MLST8: variants seen among roughly 807,000 people sequenced by gnomAD.
MLST8 encodes the protein target of rapamycin complex subunit LST8.
MLST8 carries 20 observed loss-of-function variants against 41.3 expected under a neutral mutation model. That is an observed-to-expected ratio of 0.48 (90% CI 0.34 to 0.70). The LOEUF is 0.70. Ranked by LOEUF, MLST8 falls within the 30% of genes least tolerant of loss-of-function variation. The pLI is 0.01. For synonymous variants in MLST8, 243 were observed against 183.0 expected (o/e 1.33, Z -2.65); for missense variants, 422 against 454.3 (o/e 0.93, Z 0.65).
intron 1 of MLST8, 31 bp from the exon 2 acceptor site, chr16:2,206,000 T>C (rs1428591477): frequency 6.6e-7 from 1 of 1,506,974 alleles, no homozygotes; most frequent in African/African-American, 1.4e-5. Flanking sequence ...ACAGAGAGTG[T>C]CTTCTAAGTA....
chr16:2,206,990 CCAA>C, intron 4 of MLST8, 42 bp from the exon 5 acceptor site: 2 of 1,607,334 alleles, frequency 1.2e-6, no homozygotes, highest in Non-Finnish European at 1.7e-6. Flanking sequence ...GGGTAGGGCA[CCAA>C]CAAGCCCAGA....
Position 2,208,445 on chromosome 16 carries a change from A to C in MLST8, c.699-5A>C. 1 of 1,612,410 alleles carries C rather than the reference A, an allele frequency of 6.2e-7. No individual in the cohort carries two copies. The highest frequency in any genetic ancestry group is 1.7e-5 in the Admixed American group (1 of 59,874). Reference sequence around the variant, plus strand: ...TGCTGGACACGCCCCATGCCCACCCACTAGGCTCCTCGCCACCTGCTCGGC... The same window carrying C: ...TGCTGGACACGCCCCATGCCCACCCCCTAGGCTCCTCGCCACCTGCTCGGC... On this transcript the variant is annotated splice_polypyrimidine_tract_variant and splice_region_variant and intron_variant, in intron 7 of 8. Coordinates refer to ENST00000569417, the MANE Select transcript of MLST8 (RefSeq NM_022372.6).
chr16:2,207,430 C>T (rs2141369439), intron 6 of MLST8, 85 bp downstream of exon 6: 1 of 1,509,478 alleles, frequency 6.6e-7, no homozygotes, highest in Non-Finnish European at 9.0e-7. Flanking sequence ...CTGGATGTCC[C>T]TTAGCGGCCC....
chr16:2,208,610 A>G lies in MLST8; in HGVS notation c.859A>G (p.Thr287Ala). The part of the protein sequence containing the change: ...AFSGDSQYIV[T>A]ASSDNLARLW... ...CTCGGGGGACTCCCAGTACATCGTC[A>G]CTGGTGAGCCCCGCCCTGGCCTCCC... Residue 287 changes from threonine to alanine, a missense_variant, in exon 8 of 9, where the codon ACT becomes GCT. By Grantham distance (58) the Thr-to-Ala change is moderately conservative (BLOSUM62 0). Transcript: ENST00000569417. 1 of 1,612,172 alleles carries G rather than the reference A, an allele frequency of 6.2e-7. No individual in the cohort carries two copies. The highest frequency in any genetic ancestry group is 8.5e-7 in the Non-Finnish European group (1 of 1,179,488).
chr16:2,205,855 GC>G, intron 1 of MLST8, 175 bp from the exon 2 acceptor site: 2 of 1,306,344 alleles, frequency 1.5e-6, no homozygotes, highest in Non-Finnish European at 2.0e-6. Flanking sequence ...TGGAGCACGC[GC>G]CCTGGAGCCC....
chr16:2,207,289 A>G lies in MLST8; in HGVS notation c.517A>G (p.Ile173Val). 2 of 1,614,206 alleles carry G rather than the reference A, an allele frequency of 1.2e-6. No individual in the cohort carries two copies. The highest frequency in any genetic ancestry group is 2.2e-5 in the South Asian group (2 of 91,090). ...GCTGATCCCTGAGCCCGAGGTCTCC[A>G]TCACGTCCGCCCACATCGATCCCGA... is the stretch of plus-strand genomic sequence containing the variant. ...EQLIPEPEVS[I>V]TSAHIDPDAS... is the part of the protein sequence containing the mutation. The change falls in exon 6 of 9, where the codon ATC becomes GTC. Residue 173 changes from isoleucine to valine, a missense_variant. Ile to Val is a conservative substitution (Grantham distance 29). Coordinates refer to ENST00000569417, the MANE Select transcript of MLST8 (RefSeq NM_022372.6).
chr16:2,208,863 A>G lies in MLST8; in HGVS notation c.967A>G (p.Ser323Gly), dbSNP rs966386530. Residue 323 changes from serine (S) to glycine (G), a missense_variant, in exon 9 of 9, where the codon AGT becomes GGT. Transcript: ENST00000569417. ...KAVVCLAFND[S>G]VLG ...TGTTGTCTGCCTGGCCTTCAATGAC[A>G]GTGTGCTGGGCTAGCCTGTGACCCC... The G allele has an allele frequency of 6.2e-7, 1 of 1,613,440 alleles. No homozygotes were observed. Among genetic ancestry groups the G allele is most frequent in the Non-Finnish European group, 8.5e-7 (1 of 1,179,868 alleles).
rs1596710922 is a variant in MLST8 at position 2,206,127 on chromosome 16, C to T, written c.42C>T (p.Ile14=). 1.2e-6 allele frequency: 2 copies of T among 1,611,092 alleles called. No homozygotes were observed. The highest frequency in any genetic ancestry group is 2.2e-5 in the East Asian group (1 of 44,812). ...SPGTVGSDPV[I]LATAGYDHTV... is the part of the protein sequence containing the mutation. ...GCACGGTGGGCAGTGACCCGGTCAT[C>T]CTGGCCACTGCAGGCTACGACCACA... The change falls in exon 2 of 9, where the codon ATC becomes ATT. Residue 14 remains isoleucine, a synonymous_variant. Transcript: ENST00000569417.
chr16:2,209,258 G>C lies in MLST8; in HGVS notation c.*381G>C. ...TAGAGAACACCACCACCATGGCCAG[G>C]TGGAAGGGTTTATTAGTCCCTGCCA... On this transcript the variant is annotated 3_prime_UTR_variant, in exon 9 of 9. Transcript: ENST00000569417. 1 of 1,089,516 alleles carries C rather than the reference G, an allele frequency of 9.2e-7. No homozygotes were observed. The highest frequency in any genetic ancestry group is 1.3e-6 in the Non-Finnish European group (1 of 743,126). 67.5% of individuals were successfully genotyped at this position (1,089,516 alleles called of 1,614,324 possible).
At chr16:2,208,130 G>T in intron 6 of MLST8, 80 bp from the exon 7 acceptor site, 2 of 1,507,982 alleles carry the variant, frequency 1.3e-6, no homozygotes, top group Non-Finnish European at 8.9e-7. Context: ...TTGGCCCCCA[G>T]TGTTGGCCCC....
chr16:2,208,951 A>G lies in MLST8; in HGVS notation c.*74A>G. 2 of 1,528,674 alleles carry G rather than the reference A, an allele frequency of 1.3e-6. No individual in the cohort carries two copies. The highest frequency in any genetic ancestry group is 2.3e-5 in the South Asian group (2 of 88,856). 94.7% of individuals were successfully genotyped at this position (1,528,674 alleles called of 1,614,324 possible). On this transcript the variant is annotated 3_prime_UTR_variant, in exon 9 of 9. Transcript: ENST00000569417. The stretch of plus-strand genomic sequence containing the variant: ...ACCCATGCAGCACCCAGGTCAGAGC[A>G]GACCCTCCCCTGCCGGCCTGCGCCA...
chr16:2,205,719 C>T (rs1251012136), intron 1 of MLST8: 5 of 1,003,616 alleles, frequency 5.0e-6, no homozygotes, highest in East Asian at 1.0e-4. Flanking sequence ...CTTTCCCCGG[C>T]CCATCCGCCG....
In MLST8 at chr16:2,208,850, G is replaced by T; in HGVS notation, c.954G>T (p.Leu318=). 1 of 1,613,674 alleles carries T rather than the reference G, an allele frequency of 6.2e-7. No individual in the cohort carries two copies. The highest frequency in any genetic ancestry group is 2.2e-5 in the East Asian group (1 of 44,888). Residue 318 remains leucine (L), a synonymous_variant, in exon 9 of 9, where the codon CTG becomes CTT. Coordinates refer to ENST00000569417, the MANE Select transcript of MLST8 (RefSeq NM_022372.6). ...GCCACCAGAAGGCTGTTGTCTGCCTGGCCTTCAATGACAGTGTGCTGGGCT... is the reference window on the plus strand; with the variant it reads ...GCCACCAGAAGGCTGTTGTCTGCCTTGCCTTCAATGACAGTGTGCTGGGCT... ...YGGHQKAVVC[L]AFNDSVLG is the part of the protein sequence containing the mutation.
chr16:2,207,410 G>T (rs1424936019), intron 6 of MLST8, 65 bp downstream of exon 6: 13 of 1,573,320 alleles, frequency 8.3e-6, no homozygotes, highest in Non-Finnish European at 1.0e-5. Context: ...CTCTGCAGGT[G>T]GGCTTATTCC....
chr16:2,206,981 G>A, intron 4 of MLST8, 54 bp from the exon 5 acceptor site: 6 of 1,603,910 alleles, frequency 3.7e-6, no homozygotes, highest in Non-Finnish European at 5.1e-6. Context: ...AGGCCATCTG[G>A]GTAGGGCACC....
intron 4 of MLST8, 161 bp downstream of exon 4, chr16:2,206,820 G>C (rs117300624): frequency 1.1e-5 from 11 of 1,023,162 alleles, no homozygotes; most frequent in Non-Finnish European, 1.6e-5. Flanking sequence ...GCATCAGAGC[G>C]CGAGTCCTGC....
Position 2,207,357 on chromosome 16 carries a change from TGGCA to T in MLST8, c.573+15_573+18del, listed in dbSNP as rs769284425. 26 of 1,612,184 alleles carry T rather than the reference TGGCA, an allele frequency of 1.6e-5. No individual in the cohort carries two copies. The Admixed American group carries it at 4.2e-4, about 26-fold the overall frequency. On this transcript the variant is annotated intron_variant, in intron 6 of 8. Coordinates refer to ENST00000569417, the MANE Select transcript of MLST8 (RefSeq NM_022372.6). ...CTGTCAATAGCACCGTGAGTCCTGG[TGGCA>T]GGTGCTGGGTGCGGGCAGCTTGGCA...
At position 2,208,977 on chromosome 16, in the gene MLST8, G is replaced by A. The variant is rs1326399585; in HGVS notation, c.*100G>A. The stretch of plus-strand genomic sequence containing the variant: ...GACCCTCCCCTGCCGGCCTGCGCCA[G>A]CTGGACCTGATGGCCCCCTGTGGCG... On this transcript the variant is annotated 3_prime_UTR_variant, in exon 9 of 9. Coordinates refer to ENST00000569417, the MANE Select transcript of MLST8 (RefSeq NM_022372.6). 4 of 1,341,980 alleles carry A rather than the reference G, an allele frequency of 3.0e-6. No individual in the cohort carries two copies. The Admixed American group carries it at 7.0e-5, about 23-fold the overall frequency. 83.1% of individuals were successfully genotyped at this position (1,341,980 alleles called of 1,614,324 possible).
At chr16:2,205,818 G>A in intron 1 of MLST8, 1 of 1,137,850 alleles carries the variant, frequency 8.8e-7, no homozygotes, top group Non-Finnish European at 1.1e-6. Context: ...GGGGGACGGC[G>A]CCCCCGCCGT....
Sources: allele counts gnomAD v4.1 joint callset, GRCh38; gene constraint gnomAD v4.1.1; transcripts MANE v1.5; gene names NCBI Gene and HGNC (gene_info 2026-07-23, HGNC 2026-07-21).